The following VEGFC variants were observed in gnomAD, a reference collection of about 807,000 sequenced individuals.
VEGFC encodes FLT4 ligand DHM.
Under a neutral mutation model 46.1 loss-of-function variants are expected in VEGFC, and 12 were observed. That is an observed-to-expected ratio of 0.26 (90% confidence interval 0.17 to 0.42). The LOEUF is 0.42. VEGFC is among the 10% of genes least tolerant of loss of function. VEGFC has a pLI of 1.00. For synonymous variants in VEGFC, 232 were observed against 195.5 expected (o/e 1.19, Z -1.56); for missense variants, 488 against 529.4 (o/e 0.92, Z 0.77).
intron 2 of VEGFC, among the ~76,000 whole-genome samples, chr4:176,728,213 A>G (rs73872164): frequency 6.6e-6 from 1 of 152,188 alleles, no homozygotes; most frequent in Admixed American, 6.5e-5. Flanking sequence ...AATTAGCATT[A>G]TGCTTTATTA....
intron 3 of VEGFC, among the ~76,000 whole-genome samples, chr4:176,726,878 A>C (rs561451136): frequency 6.6e-6 from 1 of 152,310 alleles, no homozygotes; most frequent in African/African-American, 2.4e-5. Flanking sequence ...CTCCAGGTCA[A>C]AGAACAGTTC....
At chr4:176,737,044 T>C (rs1735067926) in intron 1 of VEGFC, among the ~76,000 whole-genome samples, 1 of 150,724 alleles carries the variant, frequency 6.6e-6, no homozygotes, top group African/African-American at 2.4e-5. Flanking sequence ...TAAGTGGTTA[T>C]ACAAAACATA....
chr4:176,761,312 A>T (rs1735526991), intron 1 of VEGFC, among the ~76,000 whole-genome samples: 1 of 152,218 alleles, frequency 6.6e-6, no homozygotes, highest in South Asian at 2.1e-4. Flanking sequence ...TAGGATCATA[A>T]GTATAAAAAT....
intron 4 of VEGFC, among the ~76,000 whole-genome samples, chr4:176,702,678 C>T (rs1734454218): frequency 6.6e-6 from 1 of 152,104 alleles, no homozygotes; most frequent in Non-Finnish European, 1.5e-5. Context: ...TCTTTAGGGA[C>T]ATTGTCCATG....
intron 1 of VEGFC, among the ~76,000 whole-genome samples, chr4:176,774,812 T>TAA (rs34750548): frequency 5.7e-4 from 3 of 5,282 alleles, no homozygotes; most frequent in Admixed American, 6.3e-3. Context: ...AGTATAATAA[T>TAA]AAAAAAAAAA....
At chr4:176,746,568 C>A (rs977236630) in intron 1 of VEGFC, among the ~76,000 whole-genome samples, 1 of 151,982 alleles carries the variant, frequency 6.6e-6, no homozygotes, top group Non-Finnish European at 1.5e-5. Flanking sequence ...TTTTAAAAAC[C>A]TCTTCCTCTT....
chr4:176,735,257 T>C (rs552976611), intron 1 of VEGFC, among the ~76,000 whole-genome samples: 1 of 152,038 alleles, frequency 6.6e-6, no homozygotes, highest in Admixed American at 6.6e-5. Context: ...TATATGACTT[T>C]AGATATTTTT....
chr4:176,735,636 A>G (rs475106), intron 1 of VEGFC, among the ~76,000 whole-genome samples: 131,437 of 151,786 alleles, frequency 0.87, 57,586 homozygotes, highest in East Asian at 1. Flanking sequence ...GAAATTGTGA[A>G]ACACAAAATG....
intron 1 of VEGFC, among the ~76,000 whole-genome samples, chr4:176,763,937 G>A (rs973112357): frequency 6.6e-6 from 1 of 151,848 alleles, no homozygotes; most frequent in Non-Finnish European, 1.5e-5. Flanking sequence ...TTAAACCAAA[G>A]GCCTATCCAA....
At chr4:176,721,036 T>C (rs996009289) in intron 3 of VEGFC, among the ~76,000 whole-genome samples, 3 of 151,782 alleles carry the variant, frequency 2.0e-5, no homozygotes, top group Admixed American at 6.6e-5. Flanking sequence ...CGGGATCATG[T>C]GTAGGGAGAT....
chr4:176,728,666 T>G (rs913911998), intron 2 of VEGFC, among the ~76,000 whole-genome samples: 3 of 152,226 alleles, frequency 2.0e-5, no homozygotes, highest in Admixed American at 1.3e-4. Flanking sequence ...TTACAAATAA[T>G]GTACTTCCTA....
chr4:176,688,275 G>C (rs1208308473), intron 4 of VEGFC, among the ~76,000 whole-genome samples: 1 of 152,042 alleles, frequency 6.6e-6, no homozygotes, highest in Non-Finnish European at 1.5e-5. Flanking sequence ...ATATATCATG[G>C]ACATTTTTAT....
intron 1 of VEGFC, among the ~76,000 whole-genome samples, chr4:176,787,642 G>A (rs944086743): frequency 7.2e-5 from 11 of 151,864 alleles, no homozygotes; most frequent in African/African-American, 2.7e-4. Context: ...CATGATGGAT[G>A]CCCAATAAAG....
chr4:176,694,398 C>T (rs1029604552), intron 4 of VEGFC, among the ~76,000 whole-genome samples: 5 of 152,066 alleles, frequency 3.3e-5, no homozygotes, highest in Non-Finnish European at 1.5e-5. Context: ...ATTACATAAT[C>T]GTAAAGGGAT....
At chr4:176,727,490 T>C (rs570123628) in intron 3 of VEGFC, among the ~76,000 whole-genome samples, 1 of 152,274 alleles carries the variant, frequency 6.6e-6, no homozygotes, top group African/African-American at 2.4e-5. Flanking sequence ...CATACACACG[T>C]ACATGTACAC....
chr4:176,751,603 A>G (rs1735342985), intron 1 of VEGFC, among the ~76,000 whole-genome samples: 1 of 152,040 alleles, frequency 6.6e-6, no homozygotes, highest in Non-Finnish European at 1.5e-5. Context: ...TATTAAAGCT[A>G]TAGGCATCAA....
intron 1 of VEGFC, among the ~76,000 whole-genome samples, chr4:176,772,788 C>T (rs906602898): frequency 6.6e-6 from 1 of 152,114 alleles, no homozygotes; most frequent in Non-Finnish European, 1.5e-5. Context: ...TGATGTGATG[C>T]CTTCCACCAT....
At position 176,737,434 on chromosome 4, in the gene VEGFC, C is replaced by T. The variant is rs77507353; in HGVS notation, c.148-7688G>A. Reference sequence around the variant, plus strand: ...TCTATGTTAAATTTGAGATGTTTTACAAATCAATAAAATATAGACGAATCC... The same window carrying T: ...TCTATGTTAAATTTGAGATGTTTTATAAATCAATAAAATATAGACGAATCC... On this transcript the variant is annotated intron_variant, in intron 1 of 6. Transcript: ENST00000618562. 2.4e-3 allele frequency among the ~76,000 whole-genome samples: 357 copies of T among 149,470 alleles called. 2 individuals carry two copies. Among genetic ancestry groups the T allele is most frequent in the African/African-American group, 8.4e-3 (344 of 41,166 alleles).
Position 176,789,774 on chromosome 4 carries a change from T to C in VEGFC, c.147+2391A>G, listed in dbSNP as rs541945872. Among the ~76,000 whole-genome samples the C allele has an allele frequency of 7.2e-5, 11 of 152,326 alleles. No individual in the cohort carries two copies. In the East Asian group the frequency reaches 1.9e-3, roughly 27 times the overall value. On this transcript the variant is annotated intron_variant, in intron 1 of 6. Coordinates refer to ENST00000618562, the MANE Select transcript of VEGFC (RefSeq NM_005429.5). ...TCGAGGAATAAGGAGATCTTCATTCTATTTGTGATTTTTACCTACAATCTT... is the reference window on the plus strand; with the variant it reads ...TCGAGGAATAAGGAGATCTTCATTCCATTTGTGATTTTTACCTACAATCTT...
Sources: allele counts gnomAD v4.1 joint callset (sites outside exome capture counted in the v4.1 genomes callset), GRCh38; gene constraint gnomAD v4.1.1; transcripts MANE v1.5; gene names NCBI Gene and HGNC (gene_info 2026-07-23, HGNC 2026-07-21).